TBX18: variants seen among roughly 807,000 people sequenced by gnomAD.
TBX18 encodes the protein T-box transcription factor 18, also known as T-box transcription factor TBX18.
TBX18 carries 21 observed loss-of-function variants against 55.0 expected under a neutral mutation model. That is an observed-to-expected ratio of 0.38 (90% CI 0.27 to 0.55). The LOEUF is 0.55. Ranked by LOEUF, TBX18 falls within the 20% of genes least tolerant of loss-of-function variation. The probability of loss-of-function intolerance (pLI) is 0.73; values close to 1 mark genes in which losing one functional copy is unlikely to be tolerated. For missense variants in TBX18, 840 were observed against 799.6 expected, an observed-to-expected ratio of 1.05 and a Z score of -0.61; for synonymous variants, 342 against 326.1, an observed-to-expected ratio of 1.05 and a Z score of -0.53.
chr6:84,737,331 G>C lies in TBX18; in HGVS notation c.1178C>G (p.Ser393Cys), dbSNP rs746085940. 5 of 1,590,944 alleles carry C rather than the reference G, an allele frequency of 3.1e-6. No homozygotes were observed. The South Asian group carries it at 5.8e-5, about 19-fold the overall frequency. The stretch of plus-strand genomic sequence containing the variant: ...ATGGAAGGCAGGAGAGGAGCAAGAG[G>C]AGCCAGACAAAAGGTGAGGGTGAGT... ...PATHPHLLSG[S>C]SCSSPAFHLG... Residue 393 changes from serine (S) to cysteine (C), a missense_variant, in exon 8 of 8, where the codon TCC becomes TGC. Coordinates refer to ENST00000369663, the MANE Select transcript of TBX18 (RefSeq NM_001080508.3).
At chr6:84,752,429 C>T (rs144581758) in intron 4 of TBX18, among the ~76,000 whole-genome samples, 1 of 152,308 alleles carries the variant, frequency 6.6e-6, no homozygotes, top group Non-Finnish European at 1.5e-5. Flanking sequence ...CGTACTGACT[C>T]CCTTTAAATG....
At position 84,763,436 on chromosome 6, in the gene TBX18, C is replaced by T. The variant is rs1280700388; in HGVS notation, c.292+454G>A. On this transcript the variant is annotated intron_variant, in intron 1 of 7. Coordinates refer to ENST00000369663, the MANE Select transcript of TBX18 (RefSeq NM_001080508.3). ...ACCGCTCAACTACCCTTCGGGAAAC[C>T]AAGTTTCCAAATATGCCGCCCTCTT... 6.5e-6 allele frequency: 3 copies of T among 460,728 alleles called. 1 individual carries two copies. In the Admixed American group the frequency reaches 7.0e-5, roughly 11 times the overall value. The allele number at this position is 460,728 out of a possible 1,614,324, so 28.5% of individuals were successfully genotyped here. A position where few individuals can be genotyped will look rare whatever the true frequency, so the allele number is the denominator to read the frequency against.
At chr6:84,748,928 C>A (rs1044916075) in intron 4 of TBX18, among the ~76,000 whole-genome samples, 38 of 152,244 alleles carry the variant, frequency 2.5e-4, no homozygotes, top group Admixed American at 2.0e-4. Flanking sequence ...TGAAATACAG[C>A]ATTATTTTTT....
chr6:84,763,479 G>T (rs564598348), intron 1 of TBX18: 2 of 472,930 alleles, frequency 4.2e-6, no homozygotes, highest in South Asian at 3.1e-5. Flanking sequence ...TGCACAAACG[G>T]TTTAGGGCAT....
At chr6:84,756,426 C>T (rs1350296485) in intron 4 of TBX18, among the ~76,000 whole-genome samples, 1 of 152,222 alleles carries the variant, frequency 6.6e-6, no homozygotes, top group Non-Finnish European at 1.5e-5. Flanking sequence ...AGATTTCACA[C>T]AAATGTTTTG....
At chr6:84,742,026 T>C (rs1229820198) in intron 6 of TBX18, 3 of 152,154 alleles carry the variant, frequency 2.0e-5, no homozygotes, top group Admixed American at 6.6e-5. Flanking sequence ...CATTCCAAAG[T>C]GAGAAGTATT....
intron 4 of TBX18, among the ~76,000 whole-genome samples, chr6:84,753,929 CTTATTTT>C (rs1021380526): frequency 3.3e-5 from 5 of 152,080 alleles, no homozygotes; most frequent in African/African-American, 1.2e-4. Flanking sequence ...TGGCTTTTAT[CTTATTTT>C]TTATTTTTTG....
chr6:84,763,010 AC>A, intron 1 of TBX18: 1 of 531,370 alleles, frequency 1.9e-6, no homozygotes, highest in Non-Finnish European at 3.3e-6. Flanking sequence ...GGCAGCGTCC[AC>A]CCCACCCGCT....
At position 84,760,625 on chromosome 6, in the gene TBX18, G is replaced by T. The variant is rs190343047; in HGVS notation, c.498-269C>A. ...AAAGTAAAATAATTTTACACTGAGG[G>T]AGTAATGGCACAAAAGAAAGCATCT... On this transcript the variant is annotated intron_variant, in intron 2 of 7. Transcript: ENST00000369663. Among the ~76,000 whole-genome samples, 9 of 152,234 alleles carry T rather than the reference G, an allele frequency of 5.9e-5. No homozygotes were observed. The East Asian group carries it at 1.5e-3, about 26-fold the overall frequency.
intron 5 of TBX18, among the ~76,000 whole-genome samples, chr6:84,744,747 A>T (rs1277619752): frequency 6.6e-6 from 1 of 152,174 alleles, no homozygotes; most frequent in Non-Finnish European, 1.5e-5. Context: ...TCCAACTTCT[A>T]TTTAACAGCC....
chr6:84,743,901 A>G (rs1388813166), intron 6 of TBX18, among the ~76,000 whole-genome samples: 1 of 152,210 alleles, frequency 6.6e-6, no homozygotes, highest in Non-Finnish European at 1.5e-5. Context: ...ATCAATAGAT[A>G]GTCGCATCAT....
chr6:84,756,856 T>C lies in TBX18; in HGVS notation c.613A>G (p.Ser205Gly). 1.2e-6 allele frequency: 2 copies of C among 1,614,084 alleles called. No homozygotes were observed. The highest frequency in any genetic ancestry group is 1.7e-4 in the Middle Eastern group (1 of 6,060). The change falls in exon 4 of 8, where the codon AGT becomes GGT. Residue 205 changes from serine to glycine, a missense_variant. By Grantham distance (56) the Ser-to-Gly change is moderately conservative. Coordinates refer to ENST00000369663, the MANE Select transcript of TBX18 (RefSeq NM_001080508.3). The part of the protein sequence containing the change: ...DNKRYRYVYH[S>G]SKWMVAGNAD... ...TTACCTGCCACCATCCATTTCGAACTGTGGTAAACATACCTAGAAGGCAAT... is the reference window on the plus strand; with the variant it reads ...TTACCTGCCACCATCCATTTCGAACCGTGGTAAACATACCTAGAAGGCAAT...
intron 4 of TBX18, among the ~76,000 whole-genome samples, chr6:84,748,711 G>A (rs1434655276): frequency 6.6e-6 from 1 of 152,186 alleles, no homozygotes; most frequent in Non-Finnish European, 1.5e-5. Context: ...CCTCTCAGAT[G>A]CTGCTGGGGA....
chr6:84,760,518 T>C (rs1193841783), intron 2 of TBX18, among the ~76,000 whole-genome samples, 162 bp from the exon 3 acceptor site: 2 of 152,222 alleles, frequency 1.3e-5, no homozygotes, highest in East Asian at 1.9e-4. Context: ...ACATAGAACA[T>C]ATCAGAACTG....
Position 84,737,107 on chromosome 6 carries a change from T to C in TBX18, c.1402A>G (p.Met468Val). 6.2e-7 allele frequency: 1 copy of C among 1,614,158 alleles called. No homozygotes were observed. The highest frequency in any genetic ancestry group is 1.1e-5 in the South Asian group (1 of 91,088). Residue 468 changes from methionine to valine, a missense_variant, in exon 8 of 8, where the codon ATG becomes GTG. Transcript: ENST00000369663. ...VGVSSSTSVN[M>V]SMGGTDGDTF... ...TCCCCATCAGTGCCACCCATGGACA[T>C]GTTCACGGAGGTGCTGCTGCTCACG...
Sources: gnomAD v4.1 joint callset for allele counts (sites outside exome capture counted in the v4.1 genomes callset) on GRCh38, gnomAD v4.1.1 for gene constraint, MANE v1.5 for transcripts, NCBI Gene and HGNC (gene_info 2026-07-23, HGNC 2026-07-21) for gene names.